The following IL22RA1 variants were observed in gnomAD, a reference collection of about 807,000 sequenced individuals.
The protein encoded by IL22RA1 is interleukin 22 receptor subunit alpha 1.
A neutral mutation model predicts 32.8 loss-of-function variants in IL22RA1; 25 were observed. That is an observed-to-expected ratio of 0.76 (90% CI 0.55 to 1.06). The LOEUF (loss-of-function observed/expected upper bound fraction) is 1.06, where lower values mean the gene tolerates loss of function less well. IL22RA1 is among the 50% of genes least tolerant of loss of function. The pLI, the probability that IL22RA1 is intolerant of heterozygous loss-of-function variation, is 0.00. For synonymous variants in IL22RA1, 305 were observed against 305.0 expected (o/e 1.00, Z 0.00); for missense variants, 709 against 727.4 (o/e 0.97, Z 0.29).
Position 24,121,702 on chromosome 1 carries a change from G to A in IL22RA1, c.828C>T (p.Arg276=). 1 of 1,566,620 alleles carries A rather than the reference G, an allele frequency of 6.4e-7. No homozygotes were observed. The highest frequency in any genetic ancestry group is 8.7e-7 in the Non-Finnish European group (1 of 1,153,210). ...GGATCAGGACGTGCTCCTGGATGAA[G>A]CGCAGCGGCTGGAAAGTCAGGACTC... is the stretch of plus-strand genomic sequence containing the variant. The part of the protein sequence containing the change: ...VQRVLTFQPL[R]FIQEHVLIPV... Residue 276 remains arginine, a synonymous_variant, in exon 7 of 7, where the codon CGC becomes CGT. Coordinates refer to ENST00000270800, the MANE Select transcript of IL22RA1 (RefSeq NM_021258.4).
chr1:24,122,795 C>T (rs557049601), intron 6 of IL22RA1, among the ~76,000 whole-genome samples: 2 of 149,274 alleles, frequency 1.3e-5, no homozygotes, highest in African/African-American at 5.0e-5. Flanking sequence ...GAGACTCCAT[C>T]TCAAAAAAAA....
chr1:24,129,837 G>A lies in IL22RA1; in HGVS notation c.532-1558C>T, dbSNP rs371125942. 3.3e-5 allele frequency among the ~76,000 whole-genome samples: 5 copies of A among 152,114 alleles called. No homozygotes were observed. The South Asian group carries it at 8.3e-4, about 25-fold the overall frequency. On this transcript the variant is annotated intron_variant, in intron 4 of 6. Transcript: ENST00000270800. ...ATTGTTTTGTGGAACTCATGTGGTT[G>A]GAACTGGACACATTACATATCATGA...
At position 24,134,205 on chromosome 1, in the gene IL22RA1, A is replaced by G. The variant is rs41268131; in HGVS notation, c.531+6T>C. On this transcript the variant is annotated splice_donor_region_variant and intron_variant, in intron 4 of 6. Coordinates refer to ENST00000270800, the MANE Select transcript of IL22RA1 (RefSeq NM_021258.4). ...AGAGAAAGACCAGGGTGCAACATAC[A>G]CTCACCATTTGGTAGGTGCGGTTGA... is the stretch of plus-strand genomic sequence containing the variant. 1.2e-6 allele frequency: 2 copies of G among 1,608,118 alleles called. No individual in the cohort carries two copies. The highest frequency in any genetic ancestry group is 2.7e-5 in the African/African-American group (2 of 74,362).
intron 1 of IL22RA1, among the ~76,000 whole-genome samples, chr1:24,141,772 G>C (rs901915730): frequency 6.6e-6 from 1 of 152,196 alleles, no homozygotes; most frequent in Non-Finnish European, 1.5e-5. Flanking sequence ...GTGAAATCTG[G>C]GGAGACATGT....
intron 2 of IL22RA1, 147 bp downstream of exon 2, chr1:24,138,435 A>T (rs1569582257): frequency 1.2e-6 from 1 of 838,824 alleles, no homozygotes; most frequent in Admixed American, 2.8e-5. Context: ...TGCAAAAGAA[A>T]CATAAAGGAG....
At chr1:24,141,769 C>T (rs1644282829) in intron 1 of IL22RA1, among the ~76,000 whole-genome samples, 1 of 152,152 alleles carries the variant, frequency 6.6e-6, no homozygotes. Context: ...ATTGTGAAAT[C>T]TGGGGAGACA....
chr1:24,131,534 A>G (rs1057401505), intron 4 of IL22RA1, among the ~76,000 whole-genome samples: 14 of 152,260 alleles, frequency 9.2e-5, no homozygotes, highest in Admixed American at 9.2e-4. Flanking sequence ...AACAATTCCT[A>G]TGACAGAAGG....
chr1:24,141,234 T>C (rs1404754922), intron 1 of IL22RA1, among the ~76,000 whole-genome samples: 3 of 152,128 alleles, frequency 2.0e-5, no homozygotes, highest in Non-Finnish European at 4.4e-5. Context: ...TGTTTGGATG[T>C]GAGGCTGGGT....
chr1:24,138,912 C>T (rs951298441), intron 1 of IL22RA1, among the ~76,000 whole-genome samples, 198 bp from the exon 2 acceptor site: 3 of 152,248 alleles, frequency 2.0e-5, no homozygotes, highest in African/African-American at 4.8e-5. Flanking sequence ...ATGCTCCCCA[C>T]GCTGTTCTAA....
Position 24,128,171 on chromosome 1 carries a change from G to C in IL22RA1, c.640C>G (p.Pro214Ala), listed in dbSNP as rs753981262. Reference sequence around the variant, plus strand: ...AGTGTCTTCACTCGGCACATGTAGGGGGCACTCTCCTTGGCCCAGGTGGGA... The same window carrying C: ...AGTGTCTTCACTCGGCACATGTAGGCGGCACTCTCCTTGGCCCAGGTGGGA... Reference protein sequence around the residue: ...CVPTWAKESAPYMCRVKTLPD... With the variant: ...CVPTWAKESAAYMCRVKTLPD... Residue 214 changes from proline (P) to alanine (A), a missense_variant, in exon 5 of 7, where the codon CCC becomes GCC. Physicochemically the swap from Pro to Ala is conservative, Grantham distance 27. Coordinates refer to ENST00000270800, the MANE Select transcript of IL22RA1 (RefSeq NM_021258.4). The C allele has an allele frequency of 8.9e-6, 14 of 1,580,492 alleles. No homozygotes were observed. The Admixed American group carries it at 1.9e-4, about 22-fold the overall frequency.
At chr1:24,133,838 C>T (rs1644222816) in intron 4 of IL22RA1, among the ~76,000 whole-genome samples, 1 of 152,086 alleles carries the variant, frequency 6.6e-6, no homozygotes, top group East Asian at 1.9e-4. Context: ...TTAATGGGTG[C>T]AGCACACCAG....
rs139741868 is a variant in IL22RA1 at position 24,140,996 on chromosome 1, G to A, written c.43+2044C>T. 5.0e-3 allele frequency among the ~76,000 whole-genome samples: 765 copies of A among 152,300 alleles called. 8 individuals carry two copies. Among genetic ancestry groups the A allele is most frequent in the Non-Finnish European group, 7.6e-3 (520 of 68,016 alleles). On this transcript the variant is annotated intron_variant, in intron 1 of 6. Transcript: ENST00000270800. ...CACAAGAGGGGTCCTCAGGCTTGGCGAGGACCGATGGGGACGGAAGAATGG... is the reference window on the plus strand; with the variant it reads ...CACAAGAGGGGTCCTCAGGCTTGGCAAGGACCGATGGGGACGGAAGAATGG...
intron 6 of IL22RA1, among the ~76,000 whole-genome samples, chr1:24,122,123 A>C (rs1029270278): frequency 6.6e-6 from 1 of 152,102 alleles, no homozygotes; most frequent in Non-Finnish European, 1.5e-5. Flanking sequence ...TCAGGGTGGG[A>C]AAAGAAGGAG....
At position 24,121,636 on chromosome 1, in the gene IL22RA1, AGGCT is replaced by A; in HGVS notation, c.890_893del (p.Gln297LeufsTer30). 1.2e-6 allele frequency: 2 copies of A among 1,612,008 alleles called. No individual in the cohort carries two copies. Among genetic ancestry groups the A allele is most frequent in the Non-Finnish European group, 1.7e-6 (2 of 1,178,594 alleles). ...ACACCCTGATCTGGGAGTACTGGAC[AGGCT>A]GGGCCAGACTGCTGGGGCCGCTGAG... On this transcript the variant is annotated frameshift_variant, in exon 7 of 7. Coordinates refer to ENST00000270800, the MANE Select transcript of IL22RA1 (RefSeq NM_021258.4). LOFTEE classifies it low-confidence loss of function (END_TRUNC).
chr1:24,128,659 G>T (rs1019425242), intron 4 of IL22RA1, among the ~76,000 whole-genome samples: 1 of 151,688 alleles, frequency 6.6e-6, no homozygotes, highest in African/African-American at 2.4e-5. Context: ...TCACCTTTTT[G>T]TGGTTAAACA....
intron 1 of IL22RA1, among the ~76,000 whole-genome samples, chr1:24,140,582 A>T (rs1644273662): frequency 6.6e-6 from 1 of 152,164 alleles, no homozygotes; most frequent in African/African-American, 2.4e-5. Flanking sequence ...GCTTCTGTTA[A>T]GGGAAGGGCA....
In IL22RA1 at chr1:24,143,035, C is replaced by A; in HGVS notation, c.43+5G>T. On this transcript the variant is annotated splice_donor_5th_base_variant and intron_variant, in intron 1 of 6. Transcript: ENST00000270800. Reference sequence around the variant, plus strand: ...GGTCTGACCACAGGGTAGATGGGCACTCACCAGCCAGGGATCCCACAGTCA... The same window carrying A: ...GGTCTGACCACAGGGTAGATGGGCAATCACCAGCCAGGGATCCCACAGTCA... 6.2e-7 allele frequency: 1 copy of A among 1,613,008 alleles called. No homozygotes were observed. The highest frequency in any genetic ancestry group is 8.5e-7 in the Non-Finnish European group (1 of 1,179,574).
At chr1:24,135,494 T>G (rs1010887662) in intron 3 of IL22RA1, among the ~76,000 whole-genome samples, 3 of 152,228 alleles carry the variant, frequency 2.0e-5, no homozygotes, top group African/African-American at 7.2e-5. Flanking sequence ...ATAAAGTCAG[T>G]TGGTGAACAT....
At position 24,133,344 on chromosome 1, in the gene IL22RA1, T is replaced by G. The variant is rs551221672; in HGVS notation, c.531+867A>C. On this transcript the variant is annotated intron_variant, in intron 4 of 6. Coordinates refer to ENST00000270800, the MANE Select transcript of IL22RA1 (RefSeq NM_021258.4). ...GCCCCACCTCCCAATACCCATATTT[T>G]CCTCTACCTATAGCTATTTGAATTC... Among the ~76,000 whole-genome samples, 4 of 152,222 alleles carry G rather than the reference T, an allele frequency of 2.6e-5. No individual in the cohort carries two copies. The East Asian group carries it at 7.8e-4, about 30-fold the overall frequency.
Sources: gnomAD v4.1 joint callset for allele counts (sites outside exome capture counted in the v4.1 genomes callset) on GRCh38, gnomAD v4.1.1 for gene constraint, MANE v1.5 for transcripts, NCBI Gene and HGNC (gene_info 2026-07-23, HGNC 2026-07-21) for gene names.